Variants in FGGY observed in about 807,000 individuals in gnomAD.
FGGY encodes FGGY carbohydrate kinase domain containing, also known as FGGY carbohydrate kinase domain-containing protein.
In FGGY, 72 loss-of-function variants were observed where a neutral mutation model predicts 71.3. The ratio of observed to expected loss-of-function variants is 1.01; its 90% confidence interval spans 0.84 to 1.23. FGGY has a LOEUF of 1.23. Ranked by LOEUF, FGGY falls within the 50% of genes most tolerant of loss-of-function variation. The pLI, the probability that FGGY is intolerant of heterozygous loss-of-function variation, is 0.00. For synonymous variants in FGGY, 251 were observed against 250.3 expected (o/e 1.00, Z -0.02); for missense variants, 668 against 682.3 (o/e 0.98, Z 0.23).
intron 7 of FGGY, among the ~76,000 whole-genome samples, chr1:59,535,017 A>G (rs1570835793): frequency 6.6e-6 from 1 of 151,928 alleles, no homozygotes; most frequent in Non-Finnish European, 1.5e-5. Flanking sequence ...AAATGCTCCA[A>G]TTAAAAGACA....
intron 7 of FGGY, among the ~76,000 whole-genome samples, chr1:59,514,335 C>G (rs2094587258): frequency 6.6e-6 from 1 of 152,214 alleles, no homozygotes; most frequent in East Asian, 1.9e-4. Flanking sequence ...GCCGCAGGCA[C>G]TACAGTTTCC....
chr1:59,522,889 G>T (rs2094874976), intron 7 of FGGY, among the ~76,000 whole-genome samples: 2 of 152,154 alleles, frequency 1.3e-5, no homozygotes, highest in African/African-American at 4.8e-5. Flanking sequence ...AGTAAATGGA[G>T]CAAGGTGTCT....
intron 6 of FGGY, among the ~76,000 whole-genome samples, chr1:59,499,704 A>G (rs760954217): frequency 1.7e-4 from 26 of 152,212 alleles, no homozygotes; most frequent in Non-Finnish European, 3.7e-4. Flanking sequence ...TTGGTGAAAC[A>G]TAGGCTAGGA....
chr1:59,314,430 A>T (rs184939606), intron 1 of FGGY, among the ~76,000 whole-genome samples: 4 of 152,094 alleles, frequency 2.6e-5, no homozygotes, highest in African/African-American at 9.7e-5. Context: ...AGTGCCATTG[A>T]TTCTTTCTGG....
chr1:59,748,818 T>C (rs1348207691), intron 14 of FGGY, among the ~76,000 whole-genome samples: 1 of 152,050 alleles, frequency 6.6e-6, no homozygotes, highest in Non-Finnish European at 1.5e-5. Context: ...TTAAGCTCCA[T>C]GTGTATGGTA....
intron 7 of FGGY, among the ~76,000 whole-genome samples, chr1:59,527,572 G>A (rs543989229): frequency 6.6e-6 from 1 of 152,256 alleles, no homozygotes; most frequent in South Asian, 2.1e-4. Context: ...AACATACAAA[G>A]TTTGCTCATA....
intron 12 of FGGY, among the ~76,000 whole-genome samples, chr1:59,665,652 A>T (rs1484816289): frequency 2.0e-5 from 3 of 149,618 alleles, no homozygotes; most frequent in African/African-American, 7.3e-5. Context: ...TCAGGGCAGC[A>T]TCCTGCTGAC....
intron 7 of FGGY, among the ~76,000 whole-genome samples, chr1:59,543,036 C>A (rs1225866379): frequency 6.6e-6 from 1 of 152,140 alleles, no homozygotes; most frequent in East Asian, 1.9e-4. Flanking sequence ...TCAGTAGAAG[C>A]AGAGATGTCA....
At chr1:59,378,403 G>A (rs192458084) in intron 4 of FGGY, among the ~76,000 whole-genome samples, 2 of 151,906 alleles carry the variant, frequency 1.3e-5, no homozygotes, top group East Asian at 1.9e-4. Flanking sequence ...CCAGCCACGC[G>A]AAACTGTGAG....
chr1:59,701,476 C>T (rs539993131), intron 14 of FGGY, among the ~76,000 whole-genome samples: 2 of 152,246 alleles, frequency 1.3e-5, no homozygotes, highest in East Asian at 1.9e-4. Flanking sequence ...GCCAACCACT[C>T]GTACTAGGCC....
intron 9 of FGGY, among the ~76,000 whole-genome samples, chr1:59,625,658 AC>A (rs958492466): frequency 6.7e-6 from 1 of 149,746 alleles, no homozygotes; most frequent in African/African-American, 2.5e-5. Flanking sequence ...TAACACTCAG[AC>A]CCCCCCCATT....
intron 9 of FGGY, among the ~76,000 whole-genome samples, chr1:59,614,236 G>C (rs1292442356): frequency 6.6e-6 from 1 of 152,142 alleles, no homozygotes; most frequent in Non-Finnish European, 1.5e-5. Flanking sequence ...GAACATCGAT[G>C]CAAAAATCCT....
chr1:59,559,283 G>A (rs373566977), intron 8 of FGGY, among the ~76,000 whole-genome samples: 48 of 152,226 alleles, frequency 3.2e-4, no homozygotes, highest in Admixed American at 6.5e-4. Context: ...AAAGATTGGC[G>A]TAAGAAATTA....
Position 59,651,927 on chromosome 1 carries a change from A to T in FGGY, c.1222-8292A>T, listed in dbSNP as rs1251778892. 4.0e-5 allele frequency among the ~76,000 whole-genome samples: 6 copies of T among 151,122 alleles called. No individual in the cohort carries two copies. In the East Asian group the frequency reaches 7.8e-4, roughly 20 times the overall value. ...TTCCATCTTTAGTGGTTCCTTCAGG[A>T]GCTCTTTTAGGGCAGGCCTGGTGGT... On this transcript the variant is annotated intron_variant, in intron 11 of 15. Coordinates refer to ENST00000303721, the MANE Select transcript of FGGY (RefSeq NM_018291.5).
intron 3 of FGGY, among the ~76,000 whole-genome samples, chr1:59,341,048 A>G (rs1010342245): frequency 1.3e-5 from 2 of 152,180 alleles, no homozygotes; most frequent in Non-Finnish European, 2.9e-5. Flanking sequence ...TTGCAGCAGC[A>G]TCTTTCTTAA....
chr1:59,672,378 T>C (rs1319978513), intron 13 of FGGY, among the ~76,000 whole-genome samples: 2 of 152,242 alleles, frequency 1.3e-5, no homozygotes, highest in African/African-American at 4.8e-5. Context: ...TGCCCTCTCA[T>C]TAAGCCTCAC....
intron 5 of FGGY, among the ~76,000 whole-genome samples, chr1:59,402,156 T>C (rs1305780885): frequency 2.0e-5 from 3 of 152,320 alleles, no homozygotes; most frequent in Non-Finnish European, 4.4e-5. Flanking sequence ...CAGGACATGA[T>C]GGACAAAAGC....
At chr1:59,628,981 GAGTC>G (rs1399890034) in intron 10 of FGGY, among the ~76,000 whole-genome samples, 6 of 152,110 alleles carry the variant, frequency 3.9e-5, no homozygotes, top group African/African-American at 1.4e-4. Flanking sequence ...TGATGATTAA[GAGTC>G]AGGCTGTAAT....
intron 14 of FGGY, among the ~76,000 whole-genome samples, chr1:59,684,520 A>C (rs2097530001): frequency 6.6e-6 from 1 of 152,202 alleles, no homozygotes; most frequent in African/African-American, 2.4e-5. Flanking sequence ...TGAAAGCGGA[A>C]GAAGGAGCTT....
Sources: gnomAD v4.1 joint callset for allele counts (sites outside exome capture counted in the v4.1 genomes callset) on GRCh38, gnomAD v4.1.1 for gene constraint, MANE v1.5 for transcripts, NCBI Gene and HGNC (gene_info 2026-07-23, HGNC 2026-07-21) for gene names.